The following BST1 variants were observed in gnomAD, a reference collection of about 807,000 sequenced individuals.
BST1 encodes bone marrow stromal cell antigen 1, also known as ADP-ribosyl cyclase/cyclic ADP-ribose hydrolase 2.
Under a neutral mutation model 40.6 loss-of-function variants are expected in BST1, and 49 were observed. That is an observed-to-expected ratio of 1.21 (90% CI 0.96 to 1.53). The LOEUF is 1.53. Ranked by LOEUF, BST1 falls within the 40% of genes most tolerant of loss-of-function variation. The pLI is 0.00. For missense variants in BST1, 423 were observed against 395.9 expected (o/e 1.07, Z -0.58); for synonymous variants, 157 against 159.3 (o/e 0.99, Z 0.11).
downstream of BST1, among the ~76,000 whole-genome samples, chr4:15,741,336 C>T (rs1432684739): frequency 6.6e-6 from 1 of 152,084 alleles, no homozygotes; most frequent in Admixed American, 6.5e-5. Flanking sequence ...GAATTCTGTG[C>T]TCCTAGCAAT....
intron 8 of BST1, 111 bp from the exon 9 acceptor site, chr4:15,731,629 G>A: frequency 3.6e-6 from 5 of 1,406,870 alleles, no homozygotes; most frequent in Non-Finnish European, 4.9e-6. Context: ...GCTGCTCATG[G>A]CTTCTCGCTC....
chr4:15,711,979 C>T, intron 4 of BST1, 90 bp downstream of exon 4: 1 of 1,063,678 alleles, frequency 9.4e-7, no homozygotes, highest in Non-Finnish European at 1.4e-6. Context: ...CCCAGGTCAT[C>T]ACTCAACTTC....
At chr4:15,733,829 T>C (rs1283506922), downstream of BST1, among the ~76,000 whole-genome samples, 9 of 152,182 alleles carry the variant, frequency 5.9e-5, no homozygotes, top group Admixed American at 1.3e-4. Flanking sequence ...ACACTGGGGA[T>C]CACAATTCAA....
At chr4:15,754,149 T>C in the BST1 span, among the ~76,000 whole-genome samples, 1 of 152,136 alleles carries the variant, frequency 6.6e-6, no homozygotes, top group Non-Finnish European at 1.5e-5. Flanking sequence ...AAAACCACGA[T>C]GGAGGCCTGT....
downstream of BST1, among the ~76,000 whole-genome samples, chr4:15,735,105 C>G (rs1268767861): frequency 6.6e-6 from 1 of 152,186 alleles, no homozygotes; most frequent in African/African-American, 2.4e-5. Flanking sequence ...TCCTCAGGGT[C>G]TTTGAACATG....
the BST1 span, among the ~76,000 whole-genome samples, chr4:15,749,123 A>T: frequency 6.6e-6 from 1 of 152,156 alleles, no homozygotes; most frequent in Non-Finnish European, 1.5e-5. Flanking sequence ...TCTATCCTTC[A>T]TTCCTGCCAG....
intron 8 of BST1, among the ~76,000 whole-genome samples, chr4:15,726,742 C>T (rs1721133565): frequency 6.6e-6 from 1 of 152,270 alleles, no homozygotes; most frequent in Admixed American, 6.5e-5. Flanking sequence ...GTAAAACCCA[C>T]TGCACCCTAC....
At chr4:15,766,855 C>T in the BST1 span, among the ~76,000 whole-genome samples, 7 of 144,766 alleles carry the variant, frequency 4.8e-5, no homozygotes, top group South Asian at 1.6e-3. Context: ...TTCCTGGTGA[C>T]ACTCAAAGCC....
downstream of BST1, among the ~76,000 whole-genome samples, chr4:15,734,585 G>C (rs564070505): frequency 6.6e-5 from 10 of 152,056 alleles, no homozygotes; most frequent in Non-Finnish European, 1.5e-4. Flanking sequence ...AAACAGGAAT[G>C]GGGGAGGGGT....
intron 8 of BST1, among the ~76,000 whole-genome samples, chr4:15,724,238 A>G (rs1720977743): frequency 6.6e-6 from 1 of 152,202 alleles, no homozygotes; most frequent in Admixed American, 6.5e-5. Flanking sequence ...ATTTTTCATT[A>G]CAGTTGCACA....
At chr4:15,767,309 A>C in the BST1 span, among the ~76,000 whole-genome samples, 7 of 146,056 alleles carry the variant, frequency 4.8e-5, no homozygotes, top group Non-Finnish European at 4.5e-5. Context: ...CTTTTTATCA[A>C]TTTTTTTTTT....
intron 6 of BST1, among the ~76,000 whole-genome samples, chr4:15,718,461 TTTTGTTTA>T (rs1322483351): frequency 6.6e-6 from 1 of 152,238 alleles, no homozygotes; most frequent in Non-Finnish European, 1.5e-5. Flanking sequence ...TTTTTAAAAT[TTTTGTTTA>T]TTTGCATTTT....
chr4:15,711,935 A>G, intron 4 of BST1, 46 bp downstream of exon 4: 7 of 1,525,472 alleles, frequency 4.6e-6, no homozygotes, highest in East Asian at 2.3e-5. Context: ...TGTGGGACCC[A>G]TAGAGATGGA....
the BST1 span, among the ~76,000 whole-genome samples, chr4:15,758,165 CA>C: frequency 6.6e-6 from 1 of 151,880 alleles, no homozygotes; most frequent in African/African-American, 2.4e-5. Flanking sequence ...ATTTTAGTTT[CA>C]GGGGGTACAT....
the BST1 span, among the ~76,000 whole-genome samples, chr4:15,746,592 C>T: frequency 3.3e-5 from 5 of 152,296 alleles, no homozygotes; most frequent in East Asian, 9.7e-4. Context: ...CACCATTAAT[C>T]CCTTCATGAA....
chr4:15,771,215 AATT>A, the BST1 span, among the ~76,000 whole-genome samples: 1 of 152,212 alleles, frequency 6.6e-6, no homozygotes, highest in African/African-American at 2.4e-5. Flanking sequence ...GTACATTACC[AATT>A]AATCCGCACT....
At position 15,707,878 on chromosome 4, in the gene BST1, C is replaced by T. The variant is rs66803315; in HGVS notation, c.451+232C>T. Among the ~76,000 whole-genome samples, 444 of 138,114 alleles carry T rather than the reference C, an allele frequency of 3.2e-3. 2 individuals carry two copies. Among genetic ancestry groups the T allele is most frequent in the African/African-American group, 0.011 (413 of 36,430 alleles). 90.6% of individuals were successfully genotyped at this position (138,114 alleles called of 152,430 possible). On this transcript the variant is annotated intron_variant, in intron 3 of 8. Transcript: ENST00000265016. ...CTCTATATATATATATATATATACA[C>T]ATATATATACACATATATATACATA...
chr4:15,733,033 C>T (rs1311461612), downstream of BST1, among the ~76,000 whole-genome samples: 1 of 152,202 alleles, frequency 6.6e-6, no homozygotes, highest in East Asian at 1.9e-4. Flanking sequence ...GTAGTGCGGA[C>T]CCAAAGAGTG....
chr4:15,737,765 G>C (rs752911964), downstream of BST1: 1 of 1,283,916 alleles, frequency 7.8e-7, no homozygotes. Flanking sequence ...TTGGTAACAA[G>C]GTACTTTCTG....
Sources: gnomAD v4.1 joint callset for allele counts (sites outside exome capture counted in the v4.1 genomes callset) on GRCh38, gnomAD v4.1.1 for gene constraint, MANE v1.5 for transcripts, NCBI Gene and HGNC (gene_info 2026-07-23, HGNC 2026-07-21) for gene names.